CADM2: variants seen among roughly 807,000 people sequenced by gnomAD.
The protein encoded by CADM2 is cell adhesion molecule 2, also known as immunoglobulin superfamily member 4D.
CADM2 carries 12 observed loss-of-function variants against 49.8 expected under a neutral mutation model. That is an observed-to-expected ratio of 0.24 (90% CI 0.15 to 0.39). The LOEUF (loss-of-function observed/expected upper bound fraction) is 0.39. CADM2 is among the 10% of genes least tolerant of loss of function. The pLI, the probability that CADM2 is intolerant of heterozygous loss-of-function variation, is 1.00. For missense variants in CADM2, 378 were observed against 492.3 expected (o/e 0.77, Z 2.20); for synonymous variants, 214 against 175.4 (o/e 1.22, Z -1.74).
At chr3:85,528,016 G>A (rs4856581) in intron 1 of CADM2, among the ~76,000 whole-genome samples, 78,309 of 152,094 alleles carry the variant, frequency 0.51, 23,147 homozygotes, top group East Asian at 0.85. Context: ...GGATTTCTCA[G>A]TCTGACTCTG....
intron 8 of CADM2, among the ~76,000 whole-genome samples, chr3:86,020,451 A>G (rs1271324491): frequency 6.6e-6 from 1 of 152,120 alleles, no homozygotes; most frequent in Non-Finnish European, 1.5e-5. Context: ...TACTCCAATC[A>G]ATAGAAAAAG....
At chr3:85,779,147 A>G (rs1462224643) in intron 2 of CADM2, among the ~76,000 whole-genome samples, 1 of 152,050 alleles carries the variant, frequency 6.6e-6, no homozygotes, top group African/African-American at 2.4e-5. Context: ...ATGAGTCTCT[A>G]TGGGGCATAT....
intron 8 of CADM2, chr3:86,013,823 G>C (rs776849969): frequency 1.3e-6 from 2 of 1,590,560 alleles, no homozygotes; most frequent in Non-Finnish European, 1.7e-6. Flanking sequence ...GTCGTGGTCA[G>C]GCTTACATTG....
intron 8 of CADM2, among the ~76,000 whole-genome samples, chr3:85,984,169 T>C (rs1727807378): frequency 6.6e-6 from 1 of 150,434 alleles, no homozygotes; most frequent in South Asian, 2.1e-4. Flanking sequence ...TACATATATG[T>C]GCACATATGT....
chr3:85,948,803 A>G (rs768174027), intron 7 of CADM2, among the ~76,000 whole-genome samples: 18 of 151,608 alleles, frequency 1.2e-4, no homozygotes, highest in African/African-American at 1.7e-4. Context: ...AAAACCTCCA[A>G]TGTGAATAGG....
At chr3:85,824,836 G>A (rs1184957068) in intron 3 of CADM2, among the ~76,000 whole-genome samples, 2 of 152,028 alleles carry the variant, frequency 1.3e-5, no homozygotes, top group African/African-American at 4.8e-5. Flanking sequence ...GAAATAAAAG[G>A]CAGCTGTGAA....
intron 1 of CADM2, among the ~76,000 whole-genome samples, chr3:85,657,664 A>G (rs1299479237): frequency 6.7e-6 from 1 of 148,786 alleles, no homozygotes; most frequent in African/African-American, 2.5e-5. Flanking sequence ...GTATACATAT[A>G]TATGTATATA....
intron 1 of CADM2, among the ~76,000 whole-genome samples, chr3:85,327,047 C>A (rs1227726819): frequency 6.8e-6 from 1 of 147,136 alleles, no homozygotes; most frequent in Admixed American, 6.7e-5. Flanking sequence ...CTTTTTTTTT[C>A]TTTTTTTCTT....
chr3:85,726,941 A>C (rs1166286277), intron 2 of CADM2, among the ~76,000 whole-genome samples: 1 of 152,128 alleles, frequency 6.6e-6, no homozygotes, highest in African/African-American at 2.4e-5. Context: ...AATTATGTGA[A>C]AATAAAATTT....
intron 1 of CADM2, among the ~76,000 whole-genome samples, chr3:85,109,139 A>G (rs1039134309): frequency 1.3e-5 from 2 of 152,142 alleles, no homozygotes; most frequent in Admixed American, 1.3e-4. Context: ...GGAAGTGACT[A>G]TAATATAGTT....
At chr3:85,819,468 T>C (rs931332203) in intron 3 of CADM2, among the ~76,000 whole-genome samples, 6 of 152,180 alleles carry the variant, frequency 3.9e-5, no homozygotes, top group Non-Finnish European at 8.8e-5. Context: ...CTTTGTGATA[T>C]AGTTAAGCAA....
chr3:86,030,769 A>G (rs370711733), intron 8 of CADM2, among the ~76,000 whole-genome samples: 2 of 151,940 alleles, frequency 1.3e-5, no homozygotes, highest in East Asian at 3.9e-4. Flanking sequence ...GTGTTCATAA[A>G]TGAATTGATA....
chr3:85,250,953 A>C (rs1231523915), intron 1 of CADM2, among the ~76,000 whole-genome samples: 1 of 151,802 alleles, frequency 6.6e-6, no homozygotes, highest in Non-Finnish European at 1.5e-5. Flanking sequence ...TGCTGTTTTC[A>C]TTCCAAAATG....
At chr3:85,517,898 G>T (rs2060941494) in intron 1 of CADM2, among the ~76,000 whole-genome samples, 1 of 152,156 alleles carries the variant, frequency 6.6e-6, no homozygotes, top group Admixed American at 6.6e-5. Context: ...GGCTCTAAGT[G>T]TATGGCGAAT....
intron 1 of CADM2, among the ~76,000 whole-genome samples, chr3:85,562,254 C>T (rs996321639): frequency 2.0e-5 from 3 of 151,840 alleles, no homozygotes; most frequent in Non-Finnish European, 4.4e-5. Context: ...CTGAGACAGG[C>T]GGATCACCTG....
chr3:85,726,067 G>A (rs2067685250), intron 1 of CADM2, among the ~76,000 whole-genome samples: 1 of 152,046 alleles, frequency 6.6e-6, no homozygotes, highest in Non-Finnish European at 1.5e-5. Flanking sequence ...AGTGGTAGAT[G>A]TATGGAAAGT....
chr3:85,073,923 A>G (rs758731094), intron 1 of CADM2, among the ~76,000 whole-genome samples: 1 of 152,152 alleles, frequency 6.6e-6, no homozygotes, highest in Non-Finnish European at 1.5e-5. Flanking sequence ...TGTTTCAGTA[A>G]TTGAATTGAC....
intron 1 of CADM2, among the ~76,000 whole-genome samples, chr3:84,970,446 C>T (rs1358769089): frequency 7.1e-6 from 1 of 140,666 alleles, no homozygotes. Flanking sequence ...TCTAAAAAGT[C>T]CCAGTGAAAT....
intron 6 of CADM2, among the ~76,000 whole-genome samples, chr3:85,934,285 T>C (rs1720939499): frequency 6.6e-6 from 1 of 152,116 alleles, no homozygotes; most frequent in African/African-American, 2.4e-5. Context: ...TAATTATTAA[T>C]ATTTTCTCTT....
Sources: allele counts gnomAD v4.1 joint callset (sites outside exome capture counted in the v4.1 genomes callset), GRCh38; gene constraint gnomAD v4.1.1; transcripts MANE v1.5; gene names NCBI Gene and HGNC (gene_info 2026-07-23, HGNC 2026-07-21).